The following CLIC4 variants were observed in gnomAD, a reference collection of about 807,000 sequenced individuals.
CLIC4 encodes the protein chloride intracellular channel protein 4.
In CLIC4, 13 loss-of-function variants were observed where a neutral mutation model predicts 24.6. The observed-to-expected ratio is 0.53, with a 90% CI of 0.34 to 0.84. The LOEUF (loss-of-function observed/expected upper bound fraction) is 0.84. CLIC4 is among the 40% of genes least tolerant of loss of function. The pLI is 0.01. For synonymous variants in CLIC4, 104 were observed against 111.3 expected (o/e 0.93, Z 0.41); for missense variants, 227 against 301.7 (o/e 0.75, Z 1.83).
At chr1:24,786,533 ACT>A (rs1218649397) in intron 1 of CLIC4, among the ~76,000 whole-genome samples, 1 of 151,902 alleles carries the variant, frequency 6.6e-6, no homozygotes, top group Non-Finnish European at 1.5e-5. Flanking sequence ...GAATGCTAAG[ACT>A]CTATCTAGAG....
intron 1 of CLIC4, among the ~76,000 whole-genome samples, chr1:24,762,407 G>T (rs567800408): frequency 6.6e-6 from 1 of 152,264 alleles, no homozygotes; most frequent in East Asian, 1.9e-4. Context: ...ATGACGGAGT[G>T]AGACTCTCTC....
At chr1:24,784,299 G>A (rs1639239499) in intron 1 of CLIC4, among the ~76,000 whole-genome samples, 3 of 152,182 alleles carry the variant, frequency 2.0e-5, no homozygotes, top group Admixed American at 1.3e-4. Context: ...ACTATCCAAT[G>A]AGGTTATTAT....
chr1:24,787,900 G>C (rs1339185176), intron 1 of CLIC4, among the ~76,000 whole-genome samples: 3 of 149,526 alleles, frequency 2.0e-5, no homozygotes, highest in Non-Finnish European at 4.4e-5. Context: ...CTGTTGCCCA[G>C]GCTGGAGTGC....
intron 4 of CLIC4, among the ~76,000 whole-genome samples, chr1:24,835,564 A>G (rs897432953): frequency 3.9e-5 from 6 of 152,082 alleles, no homozygotes; most frequent in Admixed American, 3.9e-4. Context: ...GAATCTGTCT[A>G]TAAATAAATA....
chr1:24,805,086 C>CAAAAAAAAAAAAA lies in CLIC4; in HGVS notation c.182+7242_182+7254dup, dbSNP rs757976140. 3.6e-4 allele frequency among the ~76,000 whole-genome samples: 17 copies of CAAAAAAAAAAAAA among 46,748 alleles called. 1 individual carries two copies. Among genetic ancestry groups the CAAAAAAAAAAAAA allele is most frequent in the East Asian group, 1.0e-3 (2 of 1,926 alleles). 30.7% of individuals were successfully genotyped at this position (46,748 alleles called of 152,430 possible). A position where few individuals can be genotyped will look rare whatever the true frequency, so the allele number is the denominator to read the frequency against. ...TGGGCAACAGAGTGAGACTCCATGTCAAAAAAAAAAAAAAAAAAACACAAA... is the reference window on the plus strand; with the variant it reads ...TGGGCAACAGAGTGAGACTCCATGTCAAAAAAAAAAAAAAAAAAAAAAAAAAAAAAAACACAAA... On this transcript the variant is annotated intron_variant, in intron 2 of 5. Coordinates refer to ENST00000374379, the MANE Select transcript of CLIC4 (RefSeq NM_013943.3).
chr1:24,753,142 G>A (rs555575896), intron 1 of CLIC4, among the ~76,000 whole-genome samples: 1 of 152,196 alleles, frequency 6.6e-6, no homozygotes, highest in African/African-American at 2.4e-5. Context: ...CTAAACCAAG[G>A]CTAAGAACCA....
intron 2 of CLIC4, among the ~76,000 whole-genome samples, chr1:24,801,073 T>TA (rs61672978): frequency 4.4e-4 from 66 of 148,530 alleles, no homozygotes; most frequent in African/African-American, 1.6e-3. Context: ...AAAAATAAAT[T>TA]AAAAAAAAAA....
chr1:24,797,127 T>A (rs551195672), intron 1 of CLIC4, among the ~76,000 whole-genome samples: 314 of 151,200 alleles, frequency 2.1e-3, no homozygotes, highest in Middle Eastern at 0.017. Flanking sequence ...CTAATTTTTT[T>A]ATTTTTAGTA....
chr1:24,820,677 A>G (rs534848899), intron 3 of CLIC4, among the ~76,000 whole-genome samples: 10 of 151,386 alleles, frequency 6.6e-5, no homozygotes, highest in Non-Finnish European at 1.0e-4. Flanking sequence ...CATTGTATCA[A>G]CATTAAATTA....
intron 2 of CLIC4, among the ~76,000 whole-genome samples, chr1:24,799,579 G>T (rs181272943): frequency 6.7e-6 from 1 of 148,988 alleles, no homozygotes; most frequent in East Asian, 2.0e-4. Flanking sequence ...CCGGCCAGCC[G>T]CCCCGTCGGG....
intron 2 of CLIC4, among the ~76,000 whole-genome samples, chr1:24,804,402 AG>A (rs1336941792): frequency 9.7e-5 from 2 of 20,686 alleles, no homozygotes; most frequent in Admixed American, 6.5e-4. Flanking sequence ...GGGTGGGTGG[AG>A]GGGGTGTGTG....
At chr1:24,795,823 C>G (rs957238924) in intron 1 of CLIC4, among the ~76,000 whole-genome samples, 5 of 152,208 alleles carry the variant, frequency 3.3e-5, no homozygotes, top group African/African-American at 1.2e-4. Context: ...CCGCCTTGGC[C>G]TCCCAAAGTG....
intron 1 of CLIC4, among the ~76,000 whole-genome samples, chr1:24,787,389 ATATATT>A (rs1335746020): frequency 3.9e-5 from 6 of 152,064 alleles, no homozygotes; most frequent in Non-Finnish European, 5.9e-5. Context: ...TTCAGCATGT[ATATATT>A]TATATTTATA....
Position 24,756,538 on chromosome 1 carries a change from A to G in CLIC4, c.72+10913A>G, listed in dbSNP as rs558433561. Among the ~76,000 whole-genome samples, 8 of 152,320 alleles carry G rather than the reference A, an allele frequency of 5.3e-5. No individual in the cohort carries two copies. In the East Asian group the frequency reaches 9.6e-4, roughly 18 times the overall value. ...TACATGTGAATAACTCATTCTTATG[A>G]AAAGATTTAGTTCTCATTATAATAT... On this transcript the variant is annotated intron_variant, in intron 1 of 5. Coordinates refer to ENST00000374379, the MANE Select transcript of CLIC4 (RefSeq NM_013943.3).
At chr1:24,808,101 T>C (rs1571254991) in intron 2 of CLIC4, among the ~76,000 whole-genome samples, 1 of 152,138 alleles carries the variant, frequency 6.6e-6, no homozygotes, top group East Asian at 1.9e-4. Flanking sequence ...CGTGCGCCAC[T>C]ATGCCTGGCT....
At chr1:24,797,672 C>A in intron 1 of CLIC4, 70 bp from the exon 2 acceptor site, 1 of 1,068,378 alleles carries the variant, frequency 9.4e-7, no homozygotes, top group Non-Finnish European at 1.3e-6. Context: ...GATTAAAATT[C>A]AGAAAAAGTT....
At chr1:24,799,036 G>A (rs1008153636) in intron 2 of CLIC4, among the ~76,000 whole-genome samples, 10 of 152,220 alleles carry the variant, frequency 6.6e-5, no homozygotes, top group African/African-American at 2.4e-4. Context: ...CTCCCAAAGT[G>A]CCGAGATTGC....
intron 2 of CLIC4, among the ~76,000 whole-genome samples, chr1:24,811,063 AGT>A (rs1177115441): frequency 7.2e-6 from 1 of 138,888 alleles, no homozygotes; most frequent in East Asian, 2.2e-4. Flanking sequence ...TGGGCGACAG[AGT>A]GAGACTCTGT....
intron 1 of CLIC4, among the ~76,000 whole-genome samples, chr1:24,754,177 A>G (rs1638813016): frequency 6.6e-6 from 1 of 152,234 alleles, no homozygotes; most frequent in Admixed American, 6.5e-5. Flanking sequence ...GGTTTAATGT[A>G]AAAACCTGTG....
Sources: allele counts gnomAD v4.1 joint callset (sites outside exome capture counted in the v4.1 genomes callset), GRCh38; gene constraint gnomAD v4.1.1; transcripts MANE v1.5; gene names NCBI Gene and HGNC (gene_info 2026-07-23, HGNC 2026-07-21).